Variants in MMP11 observed in about 807,000 individuals in gnomAD.
MMP11 encodes matrix metallopeptidase 11, also known as stromelysin-3.
A neutral mutation model predicts 49.5 loss-of-function variants in MMP11; 26 were observed. That is an observed-to-expected ratio of 0.52 (90% confidence interval 0.38 to 0.73). The LOEUF is 0.73. MMP11 is among the 30% of genes least tolerant of loss of function. The probability of loss-of-function intolerance (pLI) is 0.00; values close to 1 mark genes in which losing one functional copy is unlikely to be tolerated. For missense variants in MMP11, 624 were observed against 671.2 expected, an observed-to-expected ratio of 0.93 and a Z score of 0.78; for synonymous variants, 265 against 282.3, an observed-to-expected ratio of 0.94 and a Z score of 0.62.
intron 1 of MMP11, among the ~76,000 whole-genome samples, chr22:23,775,377 C>A (rs1927375716): frequency 6.6e-6 from 1 of 152,218 alleles, no homozygotes; most frequent in African/African-American, 2.4e-5. Context: ...GAAGGCCAAG[C>A]CCACCTGTCT....
intron 1 of MMP11, among the ~76,000 whole-genome samples, chr22:23,777,992 A>C (rs960139542): frequency 1.3e-5 from 2 of 152,146 alleles, no homozygotes; most frequent in Non-Finnish European, 2.9e-5. Context: ...GGGTGTATGG[A>C]GCCTGGGAGA....
At chr22:23,778,909 G>T (rs557204597) in intron 1 of MMP11, among the ~76,000 whole-genome samples, 4 of 152,234 alleles carry the variant, frequency 2.6e-5, no homozygotes, top group African/African-American at 9.6e-5. Context: ...CCCACCCCCA[G>T]ACCTCATTGG....
chr22:23,779,262 GCCCCTGCCACGCAGGAAGCC>G lies in MMP11; in HGVS notation c.189_208del (p.Thr65CysfsTer16). 1 of 1,609,440 alleles carries G rather than the reference GCCCCTGCCACGCAGGAAGCC, an allele frequency of 6.2e-7. No individual in the cohort carries two copies. Among genetic ancestry groups the G allele is most frequent in the Non-Finnish European group, 8.5e-7 (1 of 1,178,510 alleles). Reference sequence around the variant, plus strand: ...AGCCCTGCCCAGTAGCCCGGCACCTGCCCCTGCCACGCAGGAAGCCCCCCGGCCTGCCAGCAGCCTCAGGC... The same window carrying G: ...AGCCCTGCCCAGTAGCCCGGCACCTGCCCCGGCCTGCCAGCAGCCTCAGGC... On this transcript the variant is annotated frameshift_variant, in exon 2 of 8. Transcript: ENST00000215743. LOFTEE classifies it high-confidence loss of function.
At position 23,780,311 on chromosome 22, in the gene MMP11, CG is replaced by C; in HGVS notation, c.339-43del. The C allele has an allele frequency of 6.2e-7, 1 of 1,610,686 alleles. No homozygotes were observed. ...GGGCAACTCCTGGTGCCTCAGCCAT[CG>C]GGGGCTGTCCCTTCCCTGAGGCCCA... On this transcript the variant is annotated intron_variant, in intron 2 of 7. Coordinates refer to ENST00000215743, the MANE Select transcript of MMP11 (RefSeq NM_005940.5). The surrounding 1 kb of genome is among the most constrained non-coding windows in gnomAD (Gnocchi z 4.6).
rs1310167786 is a variant in MMP11 at position 23,779,345 on chromosome 22, G to A, written c.267G>A (p.Leu89=). 2.5e-6 allele frequency: 4 copies of A among 1,612,980 alleles called. No individual in the cohort carries two copies. The highest frequency in any genetic ancestry group is 2.7e-5 in the African/African-American group (2 of 74,944). The change falls in exon 2 of 8, where the codon CTG becomes CTA. Residue 89 remains leucine (L), a synonymous_variant. Coordinates refer to ENST00000215743, the MANE Select transcript of MMP11 (RefSeq NM_005940.5). ...RCGVPDPSDG[L]SARNRQKRFV... is the part of the protein sequence containing the mutation. ...GCGTGCCCGACCCATCTGATGGGCT[G>A]AGTGCCCGCAACCGACAGAAGAGGT...
Position 23,783,565 on chromosome 22 carries a change from G to C in MMP11, c.*21G>C. The C allele has an allele frequency of 6.2e-7, 1 of 1,613,640 alleles. No individual in the cohort carries two copies. The highest frequency in any genetic ancestry group is 2.2e-5 in the East Asian group (1 of 44,866). ...TCTGACCATGGCTTGGATGCCCTCA[G>C]GGGTGCTGACCCCTGCCAGGCCACG... is the stretch of plus-strand genomic sequence containing the variant. On this transcript the variant is annotated 3_prime_UTR_variant, in exon 8 of 8. Transcript: ENST00000215743.
rs548155202 is a variant in MMP11 at position 23,779,883 on chromosome 22, C to T, written c.338+467C>T. 5 of 254,568 alleles carry T rather than the reference C, an allele frequency of 2.0e-5. No individual in the cohort carries two copies. The Admixed American group carries it at 2.0e-4, about 10-fold the overall frequency. 15.8% of individuals were successfully genotyped at this position (254,568 alleles called of 1,614,324 possible). On this transcript the variant is annotated intron_variant, in intron 2 of 7. Coordinates refer to ENST00000215743, the MANE Select transcript of MMP11 (RefSeq NM_005940.5). ...GTAAGCGGGGAGAGGCAATAGTGGGCATCTCACTGGGTGACCTGGGAGGAC... is the reference window on the plus strand; with the variant it reads ...GTAAGCGGGGAGAGGCAATAGTGGGTATCTCACTGGGTGACCTGGGAGGAC...
chr22:23,781,884 G>C, intron 6 of MMP11: 1 of 631,768 alleles, frequency 1.6e-6, no homozygotes, highest in South Asian at 1.5e-5. Flanking sequence ...GGAAACCTGC[G>C]TGGGTTCCAG....
intron 7 of MMP11, 30 bp downstream of exon 7, chr22:23,782,513 G>A (rs759751396): frequency 6.3e-7 from 1 of 1,583,626 alleles, no homozygotes; most frequent in South Asian, 1.1e-5. Flanking sequence ...GCTGGTGGGA[G>A]GTGGGCACAG....
chr22:23,778,922 T>TC (rs1454084994), intron 1 of MMP11, among the ~76,000 whole-genome samples: 2 of 152,184 alleles, frequency 1.3e-5, no homozygotes, highest in East Asian at 3.9e-4. Flanking sequence ...CTCATTGGCC[T>TC]AAGTAGCTGG....
intron 1 of MMP11, among the ~76,000 whole-genome samples, chr22:23,778,648 G>T (rs28363639): frequency 8.7e-4 from 133 of 152,334 alleles, no homozygotes; most frequent in Middle Eastern, 3.4e-3. Context: ...AGGCCACACT[G>T]CAGGGCTACA....
At chr22:23,773,776 G>A (rs1024131986) in intron 1 of MMP11, among the ~76,000 whole-genome samples, 1 of 152,196 alleles carries the variant, frequency 6.6e-6, no homozygotes, top group African/African-American at 2.4e-5. Flanking sequence ...AGGGCCTGGG[G>A]CCAGAGCCTG....
At chr22:23,773,037 G>T (rs1362451960) in intron 1 of MMP11, 59 bp downstream of exon 1, 1 of 1,141,172 alleles carries the variant, frequency 8.8e-7, no homozygotes, top group Non-Finnish European at 1.1e-6. Context: ...CACGCGGGCT[G>T]GGCCCAGCGG....
intron 2 of MMP11, chr22:23,779,672 C>T (rs1927545918): frequency 1.8e-6 from 1 of 551,440 alleles, no homozygotes; most frequent in Non-Finnish European, 3.2e-6. Flanking sequence ...GCAGCACATG[C>T]CTGCGGACGG....
At chr22:23,779,519 C>A in intron 2 of MMP11, 103 bp downstream of exon 2, 1 of 1,036,426 alleles carries the variant, frequency 9.6e-7, no homozygotes, top group Non-Finnish European at 1.4e-6. Context: ...GGTAGATCTT[C>A]GTGTCTAACA....
At position 23,780,243 on chromosome 22, in the gene MMP11, C is replaced by A; in HGVS notation, c.339-116C>A. The stretch of plus-strand genomic sequence containing the variant: ...GCTGAAGCTGAGGCCCAGAGTACAC[C>A]TGGCCTGTGTCCTGAGTGTTCACAC... On this transcript the variant is annotated intron_variant, in intron 2 of 7. Transcript: ENST00000215743. This position sits in a 1 kb window ranked among gnomAD's most constrained non-coding sequence, Gnocchi z 4.6. 1 of 1,310,676 alleles carries A rather than the reference C, an allele frequency of 7.6e-7. No homozygotes were observed. Among genetic ancestry groups the A allele is most frequent in the Non-Finnish European group, 1.1e-6 (1 of 938,250 alleles). The allele number at this position is 1,310,676 out of a possible 1,614,324, so 81.2% of individuals were successfully genotyped here.
chr22:23,780,072 C>A lies in MMP11; in HGVS notation c.339-287C>A. The A allele has an allele frequency of 2.1e-6, 1 of 478,330 alleles. No homozygotes were observed. Among genetic ancestry groups the A allele is most frequent in the Non-Finnish European group, 3.8e-6 (1 of 263,940 alleles). 29.6% of individuals were successfully genotyped at this position (478,330 alleles called of 1,614,324 possible). A position where few individuals can be genotyped will look rare whatever the true frequency, so the allele number is the denominator to read the frequency against. On this transcript the variant is annotated intron_variant, in intron 2 of 7. Transcript: ENST00000215743. This position sits in a 1 kb window ranked among gnomAD's most constrained non-coding sequence, Gnocchi z 4.6. ...CAGGGGCTCAAGGAACCAAGGTGTC[C>A]CCACAGTAAGTGGCACTGTCAGGTC...
chr22:23,773,078 G>T, intron 1 of MMP11, 100 bp downstream of exon 1: 1 of 1,063,286 alleles, frequency 9.4e-7, no homozygotes, highest in South Asian at 4.5e-5. Flanking sequence ...CGCCCCGGGT[G>T]GCCTCCAGCG....
Position 23,782,233 on chromosome 22 carries a change from G to T in MMP11, c.1083G>T (p.Gln361His). 6.2e-7 allele frequency: 1 copy of T among 1,612,972 alleles called. No homozygotes were observed. The change falls in exon 7 of 8, where the codon CAG (glutamine) becomes CAT (histidine). Residue 361 changes from glutamine (Q) to histidine (H), a missense_variant. By Grantham distance (24) the Gln-to-His change is conservative. Coordinates refer to ENST00000215743, the MANE Select transcript of MMP11 (RefSeq NM_005940.5). The part of the protein sequence containing the change: ...QGHIWFFQGA[Q>H]YWVYDGEKPV... ...GCCTTCCCTCTCCGGCAGGTGCTCA[G>T]TACTGGGTGTACGACGGTGAAAAGC...
Sources: allele counts gnomAD v4.1 joint callset (sites outside exome capture counted in the v4.1 genomes callset), GRCh38; gene constraint gnomAD v4.1.1; non-coding constraint Gnocchi (gnomAD v3.1); transcripts MANE v1.5; gene names NCBI Gene and HGNC (gene_info 2026-07-23, HGNC 2026-07-21).